FOXP2: variants seen among roughly 807,000 people sequenced by gnomAD.
FOXP2 encodes the protein forkhead box protein P2.
In FOXP2, 12 loss-of-function variants were observed where a neutral mutation model predicts 115.8. The ratio of observed to expected loss-of-function variants is 0.10; its 90% CI spans 0.07 to 0.17. The LOEUF (loss-of-function observed/expected upper bound fraction) is 0.17. FOXP2 is among the 10% of genes least tolerant of loss of function. The probability of loss-of-function intolerance (pLI) is 1.00; values close to 1 mark genes in which losing one functional copy is unlikely to be tolerated. For synonymous variants in FOXP2, 328 were observed against 297.7 expected, an observed-to-expected ratio of 1.10 and a Z score of -1.05; for missense variants, 629 against 843.5, an observed-to-expected ratio of 0.75 and a Z score of 3.15.
At chr7:114,131,469 C>T (rs1016249655) in intron 1 of FOXP2, among the ~76,000 whole-genome samples, 1 of 151,560 alleles carries the variant, frequency 6.6e-6, no homozygotes, top group Non-Finnish European at 1.5e-5. Flanking sequence ...AAAAGGTTAC[C>T]GGGACAATGT....
At chr7:114,594,249 T>C (rs1802584779) in intron 3 of FOXP2, among the ~76,000 whole-genome samples, 1 of 151,958 alleles carries the variant, frequency 6.6e-6, no homozygotes, top group South Asian at 2.1e-4. Flanking sequence ...AGGAAAAAAA[T>C]CCCAAGTTCA....
At chr7:114,370,342 A>T (rs1791973960) in intron 2 of FOXP2, among the ~76,000 whole-genome samples, 1 of 152,218 alleles carries the variant, frequency 6.6e-6, no homozygotes, top group Admixed American at 6.5e-5. Flanking sequence ...CTCTGAAGCA[A>T]AAGAGTCGTG....
chr7:114,201,435 C>G (rs1794062158), intron 1 of FOXP2, among the ~76,000 whole-genome samples: 1 of 152,116 alleles, frequency 6.6e-6, no homozygotes, highest in Non-Finnish European at 1.5e-5. Flanking sequence ...ACATCCCTGT[C>G]TGGGCAACAG....
rs1229053818 is a variant in FOXP2, at chr7:114,245,218, C to T, written c.-101-42801C>T. Among the ~76,000 whole-genome samples the T allele has an allele frequency of 2.0e-5, 3 of 152,084 alleles. No homozygotes were observed. The East Asian group carries it at 5.8e-4, about 29-fold the overall frequency. On this transcript the variant is annotated intron_variant, in intron 1 of 17. Transcript: ENST00000634411. The stretch of plus-strand genomic sequence containing the variant: ...TCTACCTAATATTAATATTGCCATC[C>T]TTGCTCTCTTTTTCCTCTGCAAAGT...
chr7:114,152,937 T>A (rs1004113717), intron 1 of FOXP2, among the ~76,000 whole-genome samples: 1 of 152,188 alleles, frequency 6.6e-6, no homozygotes, highest in Non-Finnish European at 1.5e-5. Flanking sequence ...GGTTTGGAAC[T>A]GATTGATCCA....
chr7:114,519,367 T>C (rs1194308937), intron 2 of FOXP2, among the ~76,000 whole-genome samples: 1 of 152,156 alleles, frequency 6.6e-6, no homozygotes, highest in Non-Finnish European at 1.5e-5. Flanking sequence ...TGTATACCAG[T>C]GTCCCAGCTG....
intron 2 of FOXP2, among the ~76,000 whole-genome samples, chr7:114,484,838 A>G (rs1796705784): frequency 6.6e-6 from 1 of 151,948 alleles, no homozygotes; most frequent in Admixed American, 6.6e-5. Flanking sequence ...CATCAGAAGG[A>G]AGTTAGCTAT....
rs137983699 is a variant in FOXP2 at position 114,690,968 on chromosome 7, C to T, written c.*1042C>T. 178 of 454,446 alleles carry T rather than the reference C, an allele frequency of 3.9e-4. No individual in the cohort carries two copies. The highest frequency in any genetic ancestry group is 3.5e-3 in the African/African-American group (174 of 50,112). The allele number at this position is 454,446 out of a possible 1,614,324, so 28.2% of individuals were successfully genotyped here. The stretch of plus-strand genomic sequence containing the variant: ...GTTAATTCAGTCACAGAGTAATCTT[C>T]TGAGGCCAAAAGTCCATCTAAATGC... On this transcript the variant is annotated 3_prime_UTR_variant, in exon 17 of 17. Transcript: ENST00000350908.
chr7:114,453,982 C>A (rs2129220504), intron 2 of FOXP2, among the ~76,000 whole-genome samples: 1 of 151,582 alleles, frequency 6.6e-6, no homozygotes, highest in African/African-American at 2.4e-5. Context: ...TCCAAAACAC[C>A]AAAAGCAATG....
intron 3 of FOXP2, among the ~76,000 whole-genome samples, chr7:114,566,622 C>A (rs1268604803): frequency 6.6e-5 from 10 of 152,076 alleles, no homozygotes; most frequent in African/African-American, 2.2e-4. Context: ...GTACAGCGTG[C>A]AAAACTATGA....
intron 2 of FOXP2, among the ~76,000 whole-genome samples, chr7:114,313,463 C>CATTATTTGAAATTGTATAATTTT (rs1797194639): frequency 3.4e-5 from 4 of 117,858 alleles, no homozygotes; most frequent in Non-Finnish European, 3.3e-5. Flanking sequence ...AAAATATTGT[C>CATTATTTGAAATTGTATAATTTT]GGCCGGGCGC....
chr7:114,651,060 G>C (rs1485659665), intron 8 of FOXP2, among the ~76,000 whole-genome samples: 2 of 151,876 alleles, frequency 1.3e-5, no homozygotes, highest in Non-Finnish European at 2.9e-5. Context: ...CTGCCTCACT[G>C]TGATCTTCAA....
chr7:114,547,518 G>T (rs1020742775), intron 3 of FOXP2, among the ~76,000 whole-genome samples: 3 of 152,188 alleles, frequency 2.0e-5, no homozygotes, highest in African/African-American at 7.2e-5. Context: ...AACAGTTTGG[G>T]AGGCCGAGGC....
chr7:114,596,107 T>TA (rs79043100), intron 3 of FOXP2, among the ~76,000 whole-genome samples: 17,332 of 152,030 alleles, frequency 0.11, 2,216 homozygotes, highest in African/African-American at 0.31. Flanking sequence ...ACACAGTGAT[T>TA]AAAAATGCTA....
chr7:114,167,534 A>G (rs889803036), intron 1 of FOXP2, among the ~76,000 whole-genome samples: 1 of 152,016 alleles, frequency 6.6e-6, no homozygotes, highest in Non-Finnish European at 1.5e-5. Context: ...CGTAATTTTC[A>G]TGTGTTATGG....
rs71314647 is a variant in FOXP2 at position 114,248,180 on chromosome 7, CAGAGAGAGAGAGAGAG to C, written c.-101-39821_-101-39806del. ...GAAGACCAGTGTCCCAGCTTAAAAA[CAGAGAGAGAGAGAGAG>C]AGAGAGAGAGAGAGAGACAGAGAGA... On this transcript the variant is annotated intron_variant, in intron 1 of 17. Coordinates refer to the FOXP2 transcript ENST00000634411. 2.8e-3 allele frequency among the ~76,000 whole-genome samples: 407 copies of C among 146,066 alleles called. 1 individual carries two copies. Among genetic ancestry groups the C allele is most frequent in the African/African-American group, 9.4e-3 (373 of 39,680 alleles).
chr7:114,120,691 T>C (rs1791537665), intron 1 of FOXP2, among the ~76,000 whole-genome samples: 1 of 147,146 alleles, frequency 6.8e-6, no homozygotes, highest in Admixed American at 6.7e-5. Flanking sequence ...TGTGTGTGTG[T>C]ATATGTATGT....
At chr7:114,631,429 C>T in intron 5 of FOXP2, 99 bp from the exon 6 acceptor site, 1 of 1,536,858 alleles carries the variant, frequency 6.5e-7, no homozygotes, top group Non-Finnish European at 8.8e-7. Flanking sequence ...ACCAAAAAAC[C>T]CACTCAGGCA....
chr7:114,347,924 A>C (rs1791385223), intron 2 of FOXP2, among the ~76,000 whole-genome samples: 1 of 152,110 alleles, frequency 6.6e-6, no homozygotes, highest in Non-Finnish European at 1.5e-5. Flanking sequence ...GAAACATTCT[A>C]ATTTTAATGA....
Sources: allele counts gnomAD v4.1 joint callset (sites outside exome capture counted in the v4.1 genomes callset), GRCh38; gene constraint gnomAD v4.1.1; transcripts MANE v1.5; gene names NCBI Gene and HGNC (gene_info 2026-07-23, HGNC 2026-07-21).